Variants in ADCY5 observed in about 807,000 individuals in gnomAD.
ADCY5 encodes adenylate cyclase type 5.
In ADCY5, 30 loss-of-function variants were observed where a neutral mutation model predicts 119.7. That is an observed-to-expected ratio of 0.25 (90% confidence interval 0.19 to 0.34). The LOEUF (loss-of-function observed/expected upper bound fraction) is 0.34. Among genes scored for constraint, ADCY5 ranks in the 10% least tolerant of loss-of-function variants. The pLI, the probability that ADCY5 is intolerant of heterozygous loss-of-function variation, is 1.00. For missense variants in ADCY5, 1,324 were observed against 1,775.2 expected, an observed-to-expected ratio of 0.75 and a Z score of 4.57; for synonymous variants, 753 against 762.2, an observed-to-expected ratio of 0.99 and a Z score of 0.20.
rs143242507 is a variant in ADCY5, at chr3:123,410,750, C to A, written c.1134+36662G>T. ...GCAGCCTCGAACTCCTGAGCTCAAG[C>A]GATCCTCCCACCTCAGCCTCTTGAG... On this transcript the variant is annotated intron_variant, in intron 1 of 20. Coordinates refer to ENST00000462833, the MANE Select transcript of ADCY5 (RefSeq NM_183357.3). Among the ~76,000 whole-genome samples the A allele has an allele frequency of 3.3e-5, 5 of 152,230 alleles. No individual in the cohort carries two copies. In the East Asian group the frequency reaches 7.7e-4, roughly 24 times the overall value.
At chr3:123,300,058 C>A in intron 15 of ADCY5, 62 bp downstream of exon 15, 1 of 1,566,918 alleles carries the variant, frequency 6.4e-7, no homozygotes. Flanking sequence ...AAACCTCCTG[C>A]TCTTGCCACC....
chr3:123,370,601 C>T (rs73186478), intron 1 of ADCY5, among the ~76,000 whole-genome samples: 3,429 of 152,300 alleles, frequency 0.023, 56 homozygotes, highest in Non-Finnish European at 0.035. Context: ...GTGGAGCAAC[C>T]CCATGGAACT....
At chr3:123,300,096 G>T (rs1257858087) in intron 15 of ADCY5, 24 bp downstream of exon 15, 3 of 1,611,574 alleles carry the variant, frequency 1.9e-6, no homozygotes, top group Non-Finnish European at 2.5e-6. Flanking sequence ...GCCCAGTGGG[G>T]AGCGTGAGGG....
intron 1 of ADCY5, among the ~76,000 whole-genome samples, chr3:123,375,615 T>A (rs1943799492): frequency 6.6e-6 from 1 of 152,100 alleles, no homozygotes; most frequent in Non-Finnish European, 1.5e-5. Context: ...CAGCTAAGAG[T>A]CTGCCCCAAG....
At chr3:123,358,155 CGTGTGTGTGTGTGTGTGTGTGT>C (rs6148049) in intron 1 of ADCY5, among the ~76,000 whole-genome samples, 8 of 140,914 alleles carry the variant, frequency 5.7e-5, no homozygotes, top group South Asian at 2.4e-4. Flanking sequence ...ACATGGAACA[CGTGTGTGTGTGTGTGTGTGTGT>C]GTGTGTGTGT....
chr3:123,364,453 C>T (rs747323753), intron 1 of ADCY5, among the ~76,000 whole-genome samples: 5 of 152,116 alleles, frequency 3.3e-5, no homozygotes, highest in Non-Finnish European at 7.4e-5. Flanking sequence ...ACCTGGCCAG[C>T]GGGAATCCCA....
intron 1 of ADCY5, among the ~76,000 whole-genome samples, chr3:123,380,330 C>T (rs1943989700): frequency 6.6e-6 from 1 of 152,204 alleles, no homozygotes. Flanking sequence ...CATCCCATCC[C>T]CCACAACCAA....
At chr3:123,447,309 CTT>C in intron 1 of ADCY5, 101 bp downstream of exon 1, 1 of 1,293,150 alleles carries the variant, frequency 7.7e-7, no homozygotes, top group Non-Finnish European at 1.0e-6. Context: ...CTCTCTGGCT[CTT>C]TTCACCATTC....
At chr3:123,399,382 T>C (rs1341775639) in intron 1 of ADCY5, among the ~76,000 whole-genome samples, 2 of 152,264 alleles carry the variant, frequency 1.3e-5, no homozygotes, top group Non-Finnish European at 2.9e-5. Context: ...ATGTTTCTAT[T>C]GGACCATGGT....
intron 1 of ADCY5, among the ~76,000 whole-genome samples, chr3:123,410,650 C>G (rs1945022245): frequency 6.7e-6 from 1 of 149,512 alleles, no homozygotes; most frequent in African/African-American, 2.4e-5. Flanking sequence ...CACATCCATT[C>G]TTTTTTTTTT....
chr3:123,349,760 C>T (rs1942745502), intron 2 of ADCY5, among the ~76,000 whole-genome samples: 2 of 152,230 alleles, frequency 1.3e-5, no homozygotes, highest in Non-Finnish European at 2.9e-5. Context: ...AAACCTCAGC[C>T]TGTTGCCGCC....
At chr3:123,372,579 C>T (rs1310927617) in intron 1 of ADCY5, among the ~76,000 whole-genome samples, 3 of 152,180 alleles carry the variant, frequency 2.0e-5, no homozygotes, top group Non-Finnish European at 4.4e-5. Flanking sequence ...TGGCCACATG[C>T]CTAAGATGAC....
intron 5 of ADCY5, 114 bp downstream of exon 5, chr3:123,330,775 C>G (rs1941723224): frequency 2.9e-6 from 4 of 1,388,334 alleles, no homozygotes; most frequent in African/African-American, 2.9e-5. Context: ...TTTTGGCAGA[C>G]AGTTTCACCC....
chr3:123,437,721 A>AG (rs1945644291), intron 1 of ADCY5, among the ~76,000 whole-genome samples: 1 of 152,114 alleles, frequency 6.6e-6, no homozygotes, highest in African/African-American at 2.4e-5. Flanking sequence ...CATTTGGGGA[A>AG]GGCTGATCTG....
intron 1 of ADCY5, among the ~76,000 whole-genome samples, chr3:123,371,067 G>A (rs1313226174): frequency 6.6e-6 from 1 of 152,234 alleles, no homozygotes; most frequent in Non-Finnish European, 1.5e-5. Context: ...AAGACGGAAG[G>A]AAGCACAGTG....
In ADCY5 at chr3:123,325,466, G is replaced by C; in HGVS notation, c.1948-4C>G. On this transcript the variant is annotated splice_polypyrimidine_tract_variant and splice_region_variant and intron_variant, in intron 7 of 20. Transcript: ENST00000462833. Reference sequence around the variant, plus strand: ...CGATCATGGCCTTCTCTTCTTTCTGGAAGACGAACACAGAGATGGGGGGAG... The same window carrying C: ...CGATCATGGCCTTCTCTTCTTTCTGCAAGACGAACACAGAGATGGGGGGAG... 6.2e-7 allele frequency: 1 copy of C among 1,613,316 alleles called. No individual in the cohort carries two copies. Among genetic ancestry groups the C allele is most frequent in the South Asian group, 1.1e-5 (1 of 91,084 alleles).
At chr3:123,345,769 G>GACAGACACACAGACAC (rs57198270) in intron 3 of ADCY5, among the ~76,000 whole-genome samples, 1 of 113,762 alleles carries the variant, frequency 8.8e-6, no homozygotes, top group South Asian at 3.4e-4. Flanking sequence ...CAGACAGACA[G>GACAGACACACAGACAC]ACACACACAC....
In ADCY5 at chr3:123,337,379, G is replaced by A. The variant is rs77372487; in HGVS notation, c.1407-4704C>T. Among the ~76,000 whole-genome samples, 389 of 152,276 alleles carry A rather than the reference G, an allele frequency of 2.6e-3. 12 individuals are homozygous for A. In the East Asian group the frequency reaches 0.056, roughly 22 times the overall value. Reference sequence around the variant, plus strand: ...ACACCCAGACATGAAAGGTGCCCCCGGTAGTTTCCTCAGGCTGCTGTAACA... The same window carrying A: ...ACACCCAGACATGAAAGGTGCCCCCAGTAGTTTCCTCAGGCTGCTGTAACA... On this transcript the variant is annotated intron_variant, in intron 3 of 20. Coordinates refer to ENST00000462833, the MANE Select transcript of ADCY5 (RefSeq NM_183357.3).
intron 17 of ADCY5, among the ~76,000 whole-genome samples, chr3:123,292,154 AAG>A (rs1047735902): frequency 6.6e-6 from 1 of 152,252 alleles, no homozygotes; most frequent in Admixed American, 6.5e-5. Context: ...ACCATCTGAC[AAG>A]AGTGTTCATG....
Sources: allele counts gnomAD v4.1 joint callset (sites outside exome capture counted in the v4.1 genomes callset), GRCh38; gene constraint gnomAD v4.1.1; transcripts MANE v1.5; gene names NCBI Gene and HGNC (gene_info 2026-07-23, HGNC 2026-07-21).